The following CHSY1 variants were observed in gnomAD, a reference collection of about 807,000 sequenced individuals.
CHSY1 encodes the protein chondroitin sulfate synthase 1.
CHSY1 carries 13 observed loss-of-function variants against 59.8 expected under a neutral mutation model. The ratio of observed to expected loss-of-function variants is 0.22; its 90% CI spans 0.14 to 0.35. The LOEUF is 0.35. Among genes scored for constraint, CHSY1 ranks in the 10% least tolerant of loss-of-function variants. CHSY1 has a pLI of 1.00. For missense variants in CHSY1, 947 were observed against 1,030.6 expected, an observed-to-expected ratio of 0.92 and a Z score of 1.11; for synonymous variants, 459 against 401.2, an observed-to-expected ratio of 1.14 and a Z score of -1.72.
chr15:101,213,120 G>A (rs552749930), intron 2 of CHSY1, among the ~76,000 whole-genome samples: 14 of 152,274 alleles, frequency 9.2e-5, no homozygotes, highest in Non-Finnish European at 1.5e-4. Context: ...ATGGAAGAAC[G>A]GAGGTGTAGT....
chr15:101,240,937 A>G (rs1276621229), intron 1 of CHSY1, among the ~76,000 whole-genome samples: 1 of 152,254 alleles, frequency 6.6e-6, no homozygotes, highest in African/African-American at 2.4e-5. Flanking sequence ...TATTCATAAT[A>G]TACGGGTAAG....
chr15:101,181,067 G>C (rs1315394500), intron 2 of CHSY1, among the ~76,000 whole-genome samples: 3 of 152,222 alleles, frequency 2.0e-5, no homozygotes, highest in Non-Finnish European at 2.9e-5. Context: ...ACAAGGACCT[G>C]CTACGGTGCC....
At chr15:101,210,272 A>G (rs1471307608) in intron 2 of CHSY1, among the ~76,000 whole-genome samples, 5 of 152,222 alleles carry the variant, frequency 3.3e-5, no homozygotes, top group African/African-American at 9.6e-5. Context: ...TGTGCAAAGC[A>G]AAAGTGCTTA....
At chr15:101,231,748 A>G (rs1303907735) in intron 2 of CHSY1, among the ~76,000 whole-genome samples, 1 of 152,256 alleles carries the variant, frequency 6.6e-6, no homozygotes, top group East Asian at 1.9e-4. Context: ...AGACAAAATG[A>G]ATAGGTTACT....
chr15:101,247,377 C>T (rs1297675306), intron 1 of CHSY1, among the ~76,000 whole-genome samples: 1 of 152,198 alleles, frequency 6.6e-6, no homozygotes, highest in African/African-American at 2.4e-5. Flanking sequence ...AATCACCTAA[C>T]ACAGAGAGGA....
At chr15:101,237,783 T>C (rs753597709) in intron 1 of CHSY1, among the ~76,000 whole-genome samples, 3 of 152,246 alleles carry the variant, frequency 2.0e-5, no homozygotes, top group Non-Finnish European at 2.9e-5. Flanking sequence ...AATTCATTCA[T>C]ACAGACTACT....
At chr15:101,193,376 C>A (rs2038469714) in intron 2 of CHSY1, among the ~76,000 whole-genome samples, 1 of 152,204 alleles carries the variant, frequency 6.6e-6, no homozygotes, top group Non-Finnish European at 1.5e-5. Context: ...AGTGAGGGGG[C>A]CAGGGAAGCT....
chr15:101,194,328 CT>C (rs1348290443), intron 2 of CHSY1, among the ~76,000 whole-genome samples: 5 of 152,252 alleles, frequency 3.3e-5, no homozygotes, highest in African/African-American at 1.2e-4. Context: ...CTGCTTCTTT[CT>C]TAGCCTGTTT....
intron 2 of CHSY1, among the ~76,000 whole-genome samples, chr15:101,212,719 C>G (rs2141261731): frequency 6.6e-6 from 1 of 152,248 alleles, no homozygotes; most frequent in African/African-American, 2.4e-5. Flanking sequence ...TAGGTGAATG[C>G]AAGCTTAAGA....
chr15:101,218,960 T>A (rs2038762380), intron 2 of CHSY1, among the ~76,000 whole-genome samples: 1 of 152,196 alleles, frequency 6.6e-6, no homozygotes, highest in African/African-American at 2.4e-5. Flanking sequence ...TAGTGCAGTA[T>A]CATACAGAAA....
At chr15:101,194,939 C>T (rs1374503348) in intron 2 of CHSY1, among the ~76,000 whole-genome samples, 1 of 152,080 alleles carries the variant, frequency 6.6e-6, no homozygotes, top group Non-Finnish European at 1.5e-5. Context: ...GAACAGATTC[C>T]ACAACATATG....
chr15:101,192,636 C>A (rs2038458661), intron 2 of CHSY1, among the ~76,000 whole-genome samples: 1 of 152,168 alleles, frequency 6.6e-6, no homozygotes, highest in Non-Finnish European at 1.5e-5. Context: ...AACTAGAATT[C>A]TCAGAATTCA....
intron 2 of CHSY1, among the ~76,000 whole-genome samples, chr15:101,206,081 T>C (rs2038624066): frequency 6.6e-6 from 1 of 152,322 alleles, no homozygotes; most frequent in African/African-American, 2.4e-5. Context: ...TCCAGGACAT[T>C]TGATTTTTGA....
At chr15:101,191,066 G>T (rs1021881127) in intron 2 of CHSY1, among the ~76,000 whole-genome samples, 1 of 152,146 alleles carries the variant, frequency 6.6e-6, no homozygotes, top group Non-Finnish European at 1.5e-5. Flanking sequence ...GAGCTCCTTG[G>T]TATTTACCCA....
intron 2 of CHSY1, among the ~76,000 whole-genome samples, chr15:101,216,044 C>T (rs1055955474): frequency 2.0e-5 from 3 of 152,054 alleles, no homozygotes; most frequent in African/African-American, 7.2e-5. Context: ...GTAAACATGC[C>T]TAACTTTAAT....
chr15:101,186,859 G>A (rs1316356540), intron 2 of CHSY1: 4 of 152,292 alleles, frequency 2.6e-5, no homozygotes, highest in African/African-American at 9.7e-5. Flanking sequence ...ACACAAAAAA[G>A]TGACTGCATT....
intron 2 of CHSY1, among the ~76,000 whole-genome samples, chr15:101,187,004 G>C (rs1327840089): frequency 6.6e-6 from 1 of 152,176 alleles, no homozygotes; most frequent in East Asian, 1.9e-4. Context: ...TGAAGCTGCA[G>C]CAATATCTTC....
intron 2 of CHSY1, among the ~76,000 whole-genome samples, chr15:101,203,154 T>C (rs1239726386): frequency 1.3e-5 from 2 of 152,172 alleles, no homozygotes; most frequent in African/African-American, 4.8e-5. Context: ...AGAAATGCAC[T>C]GGGTTGCAGA....
chr15:101,179,056 A>T (rs2038239641), intron 2 of CHSY1, 76 bp from the exon 3 acceptor site: 1 of 1,416,534 alleles, frequency 7.1e-7, no homozygotes, highest in Admixed American at 1.8e-5. Flanking sequence ...AGAAAATGCA[A>T]ATATTAGAAA....
Sources: allele counts gnomAD v4.1 joint callset (sites outside exome capture counted in the v4.1 genomes callset), GRCh38; gene constraint gnomAD v4.1.1; transcripts MANE v1.5; gene names NCBI Gene and HGNC (gene_info 2026-07-23, HGNC 2026-07-21).